The following GRIK2 variants were observed in gnomAD, a reference collection of about 807,000 sequenced individuals.
The protein encoded by GRIK2 is glutamate receptor ionotropic, kainate 2.
In GRIK2, 32 loss-of-function variants were observed where a neutral mutation model predicts 100.3. That is an observed-to-expected ratio of 0.32 (90% CI 0.24 to 0.43). GRIK2 has a LOEUF of 0.43. GRIK2 is among the 20% of genes least tolerant of loss of function. The pLI, the probability that GRIK2 is intolerant of heterozygous loss-of-function variation, is 1.00. For missense variants in GRIK2, 843 were observed against 1,114.9 expected, an observed-to-expected ratio of 0.76 and a Z score of 3.47; for synonymous variants, 417 against 389.4, an observed-to-expected ratio of 1.07 and a Z score of -0.83.
chr6:101,795,290 A>G (rs996347424), intron 7 of GRIK2, among the ~76,000 whole-genome samples: 6 of 152,116 alleles, frequency 3.9e-5, no homozygotes, highest in Non-Finnish European at 8.8e-5. Context: ...CATAGTCCTC[A>G]TATGATTTTT....
At chr6:101,697,340 CGTGTGTGTGTGTGTGTGT>C (rs63654860) in intron 7 of GRIK2, among the ~76,000 whole-genome samples, 20 of 146,710 alleles carry the variant, frequency 1.4e-4, no homozygotes, top group African/African-American at 3.5e-4. Context: ...TTAGGGTGTA[CGTGTGTGTGTGTGTGTGT>C]GTGTGTGTGT....
At position 102,016,234 on chromosome 6, in the gene GRIK2, T is replaced by C. The variant is rs9485584; in HGVS notation, c.2086-19107T>C. ...GGTTCAGGTAAACATTGAAACCGAA[T>C]ATAAAGAAGCAAAGTCAACATTATA... On this transcript the variant is annotated intron_variant, in intron 14 of 16. Transcript: ENST00000369134. Among the ~76,000 whole-genome samples the C allele has an allele frequency of 8.6e-3, 1,302 of 152,110 alleles. 21 individuals carry two copies. The highest frequency in any genetic ancestry group is 0.03 in the African/African-American group (1,260 of 41,506).
At chr6:101,397,145 G>A (rs1277407143) in intron 1 of GRIK2, among the ~76,000 whole-genome samples, 2 of 152,134 alleles carry the variant, frequency 1.3e-5, no homozygotes, top group Non-Finnish European at 2.9e-5. Context: ...ATAAATGCCA[G>A]CTACACTGTG....
At chr6:101,938,789 A>T (rs565136614) in intron 14 of GRIK2, among the ~76,000 whole-genome samples, 1 of 152,154 alleles carries the variant, frequency 6.6e-6, no homozygotes, top group East Asian at 1.9e-4. Flanking sequence ...TATATAATTC[A>T]TTTTTCTATA....
intron 3 of GRIK2, among the ~76,000 whole-genome samples, chr6:101,622,775 AAG>A (rs1269286184): frequency 6.6e-6 from 1 of 151,974 alleles, no homozygotes; most frequent in Non-Finnish European, 1.5e-5. Context: ...AAAGAATAAA[AAG>A]AAAAATAATT....
intron 7 of GRIK2, among the ~76,000 whole-genome samples, chr6:101,798,319 G>C (rs1562396306): frequency 6.6e-6 from 1 of 152,004 alleles, no homozygotes. Flanking sequence ...ACTCGGGTCA[G>C]AGACAAATAT....
Position 101,896,264 on chromosome 6 carries a change from C to T in GRIK2, c.1748+6401C>T, listed in dbSNP as rs116283933. On this transcript the variant is annotated intron_variant, in intron 12 of 16. Transcript: ENST00000369134. ...TATGGTATTGAGGTAATTGAGGCAA[C>T]AGAGCTCTTGACTGAAAGTATCCAT... 7.9e-3 allele frequency among the ~76,000 whole-genome samples: 1,205 copies of T among 151,724 alleles called. 22 individuals carry two copies. Among genetic ancestry groups the T allele is most frequent in the African/African-American group, 0.028 (1,141 of 41,484 alleles).
At chr6:101,931,506 G>T (rs1447459940) in intron 14 of GRIK2, among the ~76,000 whole-genome samples, 1 of 152,132 alleles carries the variant, frequency 6.6e-6, no homozygotes, top group Non-Finnish European at 1.5e-5. Flanking sequence ...CAGATATCTG[G>T]TGTTAAAGGG....
chr6:101,567,376 C>T (rs545766565), intron 2 of GRIK2, among the ~76,000 whole-genome samples: 100 of 152,018 alleles, frequency 6.6e-4, no homozygotes, highest in African/African-American at 2.4e-3. Context: ...GCCATATTAA[C>T]TTCACAAATG....
chr6:102,005,628 A>G (rs951832184), intron 14 of GRIK2, among the ~76,000 whole-genome samples: 3 of 152,038 alleles, frequency 2.0e-5, no homozygotes, highest in Non-Finnish European at 4.4e-5. Context: ...TTGTTCATTA[A>G]TTTTTTCATT....
chr6:101,399,199 A>T lies in GRIK2; in HGVS notation c.-79A>T. On this transcript the variant is annotated 5_prime_UTR_variant, in exon 2 of 17. Transcript: ENST00000369134. ...CGTGTCTGCGGTCACCACTCGACGCATCCTCATTTCTACCCGAACCCAGGA... is the reference window on the plus strand; with the variant it reads ...CGTGTCTGCGGTCACCACTCGACGCTTCCTCATTTCTACCCGAACCCAGGA... The T allele has an allele frequency of 2.6e-6, 2 of 777,774 alleles. No individual in the cohort carries two copies. Among genetic ancestry groups the T allele is most frequent in the South Asian group, 2.8e-5 (2 of 71,570 alleles). The allele number at this position is 777,774 out of a possible 1,614,324, so 48.2% of individuals were successfully genotyped here. A position where few individuals can be genotyped will look rare whatever the true frequency, so the allele number is the denominator to read the frequency against.
rs923380294 is a variant in GRIK2, at chr6:101,517,564, T to A, written c.116-104385T>A. Among the ~76,000 whole-genome samples the A allele has an allele frequency of 1.2e-4, 18 of 152,146 alleles. 1 individual carries two copies. The highest frequency in any genetic ancestry group is 3.3e-4 in the Admixed American group (5 of 15,250). On this transcript the variant is annotated intron_variant, in intron 2 of 16. Coordinates refer to ENST00000369134, the MANE Select transcript of GRIK2 (RefSeq NM_021956.5). ...ACTAAAATAATAAATATAGTATTTA[T>A]CTTGTGTAGGAAATTTAAGCATTGC...
chr6:101,695,905 T>C (rs1464048614), intron 7 of GRIK2, among the ~76,000 whole-genome samples: 2 of 152,104 alleles, frequency 1.3e-5, no homozygotes, highest in Non-Finnish European at 2.9e-5. Context: ...AATGCTGTAC[T>C]GAAAGTGAAA....
At chr6:101,839,346 A>G (rs185532650) in intron 10 of GRIK2, among the ~76,000 whole-genome samples, 10 of 152,290 alleles carry the variant, frequency 6.6e-5, no homozygotes, top group Admixed American at 6.5e-4. Flanking sequence ...ATAGTGGGGA[A>G]AAGTATATTT....
At chr6:102,060,001 TAAAATA>T (rs1205088068) in intron 16 of GRIK2, among the ~76,000 whole-genome samples, 2 of 150,018 alleles carry the variant, frequency 1.3e-5, no homozygotes, top group African/African-American at 4.9e-5. Flanking sequence ...GTCTAAGAAA[TAAAATA>T]TATATATATA....
intron 14 of GRIK2, among the ~76,000 whole-genome samples, chr6:101,998,931 A>T: frequency 6.8e-6 from 1 of 147,406 alleles, no homozygotes; most frequent in East Asian, 2.0e-4. Flanking sequence ...CTCCTGCCTC[A>T]GCTTCCCAAG....
chr6:101,667,922 C>T (rs1770149634), intron 4 of GRIK2, among the ~76,000 whole-genome samples: 1 of 152,124 alleles, frequency 6.6e-6, no homozygotes, highest in Non-Finnish European at 1.5e-5. Context: ...CATTTAGCTA[C>T]AAATAATCAA....
At chr6:101,865,217 T>G (rs1385863857) in intron 11 of GRIK2, among the ~76,000 whole-genome samples, 21 of 152,158 alleles carry the variant, frequency 1.4e-4, no homozygotes, top group Admixed American at 1.4e-3. Context: ...ATTCAGTATT[T>G]TACATTATTT....
intron 16 of GRIK2, 103 bp downstream of exon 16, chr6:102,055,683 G>T (rs976152204): frequency 4.1e-6 from 3 of 735,742 alleles, no homozygotes; most frequent in East Asian, 2.5e-5. Context: ...ATAATGCATA[G>T]AACTATTGCT....
Sources: gnomAD v4.1 joint callset for allele counts (sites outside exome capture counted in the v4.1 genomes callset) on GRCh38, gnomAD v4.1.1 for gene constraint, MANE v1.5 for transcripts, NCBI Gene and HGNC (gene_info 2026-07-23, HGNC 2026-07-21) for gene names.